The following KCTD1 variants were observed in gnomAD, a reference collection of about 807,000 sequenced individuals.
KCTD1 encodes potassium channel tetramerization domain containing 1.
Under a neutral mutation model 66.0 loss-of-function variants are expected in KCTD1, and 24 were observed. The ratio of observed to expected loss-of-function variants is 0.36; its 90% CI spans 0.26 to 0.51. KCTD1 has a LOEUF of 0.51. Among genes scored for constraint, KCTD1 ranks in the 20% least tolerant of loss-of-function variants. The pLI, the probability that KCTD1 is intolerant of heterozygous loss-of-function variation, is 0.95. For synonymous variants in KCTD1, 511 were observed against 517.2 expected (o/e 0.99, Z 0.16); for missense variants, 943 against 1,205.2 (o/e 0.78, Z 3.22).
chr18:26,535,118 G>GGGA (rs1567984090), intron 1 of KCTD1, among the ~76,000 whole-genome samples: 3 of 133,326 alleles, frequency 2.3e-5, no homozygotes, highest in Admixed American at 7.4e-5. Flanking sequence ...GGGGGGTGGG[G>GGGA]GTGGAGCTGC....
intron 1 of KCTD1, among the ~76,000 whole-genome samples, chr18:26,607,043 A>AT (rs933416662): frequency 1.3e-5 from 2 of 151,736 alleles, no homozygotes; most frequent in African/African-American, 2.4e-5. Context: ...TTTCTTTTTT[A>AT]TTTTTTTATG....
At chr18:26,604,172 C>A (rs1463917967) in intron 1 of KCTD1, among the ~76,000 whole-genome samples, 8 of 152,152 alleles carry the variant, frequency 5.3e-5, no homozygotes, top group Non-Finnish European at 1.0e-4. Flanking sequence ...AGCTCCATAC[C>A]ACTGATCATT....
intron 1 of KCTD1, among the ~76,000 whole-genome samples, chr18:26,531,772 T>C (rs1007241528): frequency 6.6e-6 from 1 of 152,196 alleles, no homozygotes; most frequent in Non-Finnish European, 1.5e-5. Context: ...GGTCACCTCA[T>C]TGACACCAAG....
intron 1 of KCTD1, among the ~76,000 whole-genome samples, chr18:26,517,014 T>A (rs1983684402): frequency 6.6e-6 from 1 of 152,196 alleles, no homozygotes; most frequent in South Asian, 2.1e-4. Flanking sequence ...CACATAATAC[T>A]TCCCAGGACA....
rs1985945057 is a variant in KCTD1, at chr18:26,564,847, C to T, written c.-15-63597G>A. On this transcript the variant is annotated intron_variant, in intron 1 of 4. Coordinates refer to the KCTD1 transcript ENST00000317932. ...GAGGTTTTAGTGAGCTGAGACTGTG[C>T]CATTGCACTCCAGCCTGGGCAACAA... Among the ~76,000 whole-genome samples, 6 of 151,680 alleles carry T rather than the reference C, an allele frequency of 4.0e-5. No individual in the cohort carries two copies. The South Asian group carries it at 1.3e-3, about 32-fold the overall frequency.
chr18:26,628,934 G>C (rs945227083), intron 1 of KCTD1, among the ~76,000 whole-genome samples: 1 of 152,164 alleles, frequency 6.6e-6, no homozygotes, highest in African/African-American at 2.4e-5. Context: ...GAGAGTTTCC[G>C]ATTACTCTTC....
intron 2 of KCTD1, among the ~76,000 whole-genome samples, chr18:26,477,603 T>A (rs1189257407): frequency 6.6e-6 from 1 of 152,208 alleles, no homozygotes; most frequent in Non-Finnish European, 1.5e-5. Flanking sequence ...GAAGATGATT[T>A]TGAAATTATA....
At chr18:26,568,834 C>T (rs1054989691) in intron 1 of KCTD1, among the ~76,000 whole-genome samples, 1 of 152,158 alleles carries the variant, frequency 6.6e-6, no homozygotes, top group Non-Finnish European at 1.5e-5. Flanking sequence ...ATCTTTTGTG[C>T]TAAATTGACC....
At chr18:26,616,314 C>T (rs374689461) in intron 1 of KCTD1, among the ~76,000 whole-genome samples, 40 of 151,984 alleles carry the variant, frequency 2.6e-4, no homozygotes, top group African/African-American at 9.6e-4. Flanking sequence ...CACAGGTGGC[C>T]TTCCTCATGG....
At chr18:26,538,179 G>A (rs925155946) in intron 1 of KCTD1, among the ~76,000 whole-genome samples, 39 of 152,028 alleles carry the variant, frequency 2.6e-4, no homozygotes, top group African/African-American at 9.2e-4. Context: ...CCCAGGAGGC[G>A]GAGGCTGCAG....
At chr18:26,499,397 T>C (rs1982640772) in intron 2 of KCTD1, among the ~76,000 whole-genome samples, 1 of 152,218 alleles carries the variant, frequency 6.6e-6, no homozygotes, top group Non-Finnish European at 1.5e-5. Context: ...GTAGTACCTA[T>C]TCCAATATAC....
intron 1 of KCTD1, among the ~76,000 whole-genome samples, chr18:26,651,609 C>T (rs1218515442): frequency 2.0e-5 from 3 of 151,694 alleles, no homozygotes; most frequent in African/African-American, 7.3e-5. Context: ...AATGGTGAAA[C>T]CCCACCTCTA....
chr18:26,622,244 G>A (rs1470428376), intron 1 of KCTD1, among the ~76,000 whole-genome samples: 1 of 152,228 alleles, frequency 6.6e-6, no homozygotes, highest in Non-Finnish European at 1.5e-5. Context: ...CACGAGAGGA[G>A]CAGAAGAGGA....
chr18:26,513,976 G>A (rs1190955528), intron 1 of KCTD1, among the ~76,000 whole-genome samples: 2 of 152,174 alleles, frequency 1.3e-5, no homozygotes, highest in African/African-American at 4.8e-5. Flanking sequence ...TCCACTGGCA[G>A]GAGAAAACAG....
At chr18:26,636,406 A>G (rs952312450) in intron 1 of KCTD1, among the ~76,000 whole-genome samples, 1 of 152,122 alleles carries the variant, frequency 6.6e-6, no homozygotes, top group Non-Finnish European at 1.5e-5. Flanking sequence ...TGTGCCTCTC[A>G]GGGCTCCTCA....
intron 1 of KCTD1, among the ~76,000 whole-genome samples, chr18:26,541,381 A>G (rs574026513): frequency 3.9e-4 from 59 of 152,308 alleles, no homozygotes; most frequent in African/African-American, 1.4e-3. Flanking sequence ...AAACGCAGAC[A>G]CTTTTCACTT....
chr18:26,627,103 G>C (rs141791299), intron 1 of KCTD1, among the ~76,000 whole-genome samples: 6 of 152,078 alleles, frequency 3.9e-5, no homozygotes, highest in African/African-American at 1.2e-4. Context: ...CTTCTCCTTT[G>C]TACTAATGAG....
At chr18:26,467,942 G>GAC (rs1481514672) in intron 3 of KCTD1, among the ~76,000 whole-genome samples, 1 of 152,208 alleles carries the variant, frequency 6.6e-6, no homozygotes, top group Non-Finnish European at 1.5e-5. Context: ...TGGACATACA[G>GAC]ACAGACCATG....
chr18:26,490,790 G>A (rs979949443), intron 2 of KCTD1, among the ~76,000 whole-genome samples: 22 of 151,928 alleles, frequency 1.4e-4, no homozygotes, highest in African/African-American at 4.1e-4. Context: ...TTTCTGTGTC[G>A]CCCAGGGTCT....
Sources: allele counts gnomAD v4.1 joint callset (sites outside exome capture counted in the v4.1 genomes callset), GRCh38; gene constraint gnomAD v4.1.1; transcripts MANE v1.5; gene names NCBI Gene and HGNC (gene_info 2026-07-23, HGNC 2026-07-21).